DPP6: variants seen among roughly 807,000 people sequenced by gnomAD.
The protein encoded by DPP6 is dipeptidyl peptidase like 6, also known as A-type potassium channel modulatory protein DPP6.
A neutral mutation model predicts 122.6 loss-of-function variants in DPP6; 69 were observed. That is an observed-to-expected ratio of 0.56 (90% CI 0.46 to 0.69). The LOEUF is 0.69. Among genes scored for constraint, DPP6 ranks in the 30% least tolerant of loss-of-function variants. The pLI, the probability that DPP6 is intolerant of heterozygous loss-of-function variation, is 0.00. For synonymous variants in DPP6, 418 were observed against 433.1 expected (o/e 0.97, Z 0.43); for missense variants, 928 against 1,116.9 (o/e 0.83, Z 2.41).
At chr7:154,737,219 A>T (rs1175445187) in intron 8 of DPP6, among the ~76,000 whole-genome samples, 1 of 152,214 alleles carries the variant, frequency 6.6e-6, no homozygotes, top group Non-Finnish European at 1.5e-5. Context: ...GAGCGCTATG[A>T]AGAAAGCTCT....
intron 1 of DPP6, among the ~76,000 whole-genome samples, chr7:154,013,210 A>G (rs1798229931): frequency 6.6e-6 from 1 of 152,104 alleles, no homozygotes; most frequent in Non-Finnish European, 1.5e-5. Flanking sequence ...TCCTAAAAAC[A>G]CTTGCTTTAT....
At chr7:153,768,034 G>A in the DPP6 span, among the ~76,000 whole-genome samples, 1 of 151,752 alleles carries the variant, frequency 6.6e-6, no homozygotes, top group East Asian at 1.9e-4. Context: ...AATGGAACTA[G>A]GGTTGCAGAC....
At chr7:154,391,026 C>T (rs1456251395) in intron 1 of DPP6, among the ~76,000 whole-genome samples, 1 of 152,166 alleles carries the variant, frequency 6.6e-6, no homozygotes, top group Non-Finnish European at 1.5e-5. Context: ...GGCGGATCAG[C>T]CCACCTACTG....
chr7:154,566,265 TTTTTC>T (rs1233396356), intron 4 of DPP6, among the ~76,000 whole-genome samples: 4 of 152,160 alleles, frequency 2.6e-5, no homozygotes, highest in African/African-American at 4.8e-5. Context: ...CGCTTATTTC[TTTTTC>T]TTTTCTTGCT....
intron 5 of DPP6, among the ~76,000 whole-genome samples, chr7:154,614,598 G>A (rs980061723): frequency 5.3e-5 from 8 of 152,114 alleles, no homozygotes; most frequent in African/African-American, 1.9e-4. Context: ...ACTATTTGGT[G>A]GTTTCATGAT....
the DPP6 span, among the ~76,000 whole-genome samples, chr7:153,868,156 C>T: frequency 3.9e-5 from 6 of 151,986 alleles, no homozygotes; most frequent in Admixed American, 3.9e-4. Context: ...CAGGATGATG[C>T]TGGCCTCATA....
rs146068311 is a variant in DPP6, at chr7:154,386,992, A to G, written c.244-59222A>G. On this transcript the variant is annotated intron_variant, in intron 1 of 25. Coordinates refer to ENST00000377770, the MANE Select transcript of DPP6 (RefSeq NM_130797.4). Reference sequence around the variant, plus strand: ...GGGTGCAGAAACCACAGCTGTGAGAAGGGGCTTTTCCAGAGTGAGGTTACA... The same window carrying G: ...GGGTGCAGAAACCACAGCTGTGAGAGGGGGCTTTTCCAGAGTGAGGTTACA... 3.2e-3 allele frequency among the ~76,000 whole-genome samples: 489 copies of G among 152,272 alleles called. 10 individuals are homozygous for G. The highest frequency in any genetic ancestry group is 0.025 in the Admixed American group (380 of 15,282).
intron 6 of DPP6, among the ~76,000 whole-genome samples, chr7:154,667,745 G>A (rs1483887900): frequency 1.3e-5 from 2 of 151,946 alleles, no homozygotes; most frequent in African/African-American, 2.4e-5. Context: ...ACAAAACCAC[G>A]CAATGTTAAA....
At chr7:154,101,544 C>T (rs1563200549) in intron 1 of DPP6, among the ~76,000 whole-genome samples, 1 of 151,772 alleles carries the variant, frequency 6.6e-6, no homozygotes, top group Non-Finnish European at 1.5e-5. Flanking sequence ...AAGGGGTGAT[C>T]AGCAATGTTT....
chr7:153,864,119 C>G, the DPP6 span, among the ~76,000 whole-genome samples: 1 of 152,176 alleles, frequency 6.6e-6, no homozygotes, highest in African/African-American at 2.4e-5. Context: ...ATTGCTGAGT[C>G]AAATGGTAAC....
At chr7:154,504,193 CAG>C (rs145052899) in intron 3 of DPP6, among the ~76,000 whole-genome samples, 40,011 of 151,856 alleles carry the variant, frequency 0.26, 5,431 homozygotes, top group Non-Finnish European at 0.29. Context: ...ATTGCAATAA[CAG>C]GTGCTATTTT....
intron 23 of DPP6, 25 bp from the exon 24 acceptor site, chr7:154,889,247 T>G (rs778735690): frequency 6.2e-7 from 1 of 1,610,066 alleles, no homozygotes; most frequent in Admixed American, 1.7e-5. Context: ...CCCCTAACTC[T>G]GTCCCCTTGC....
At position 154,863,409 on chromosome 7, in the gene DPP6, C is replaced by A. The variant is rs950233941; in HGVS notation, c.1715-4586C>A. On this transcript the variant is annotated intron_variant, in intron 17 of 25. Transcript: ENST00000377770. This position sits in a 1 kb window ranked among gnomAD's most constrained non-coding sequence, Gnocchi z 4.1. ...CTAGGCTCAAGGGGAGTGGTGCAAT[C>A]ACAGCTCAAGCTATCCTCCCACTGC... is the stretch of plus-strand genomic sequence containing the variant. Among the ~76,000 whole-genome samples the A allele has an allele frequency of 1.3e-5, 2 of 149,778 alleles. No homozygotes were observed. Among genetic ancestry groups the A allele is most frequent in the Admixed American group, 6.7e-5 (1 of 15,008 alleles).
chr7:154,640,482 G>A (rs752936753), intron 6 of DPP6, among the ~76,000 whole-genome samples: 1 of 152,188 alleles, frequency 6.6e-6, no homozygotes, highest in East Asian at 1.9e-4. Context: ...CTGAAGCGGC[G>A]TTGCTCAACC....
intron 1 of DPP6, among the ~76,000 whole-genome samples, chr7:154,132,709 TCC>T (rs1795351081): frequency 1.3e-5 from 2 of 152,026 alleles, no homozygotes; most frequent in African/African-American, 2.4e-5. Context: ...ACATCCCTAT[TCC>T]TTATTCATCA....
intron 1 of DPP6, among the ~76,000 whole-genome samples, chr7:154,324,562 A>G (rs528941161): frequency 2.6e-5 from 4 of 151,814 alleles, no homozygotes; most frequent in African/African-American, 9.7e-5. Context: ...CCTCTGCCCT[A>G]CTTGATTGCA....
chr7:154,405,048 C>T (rs147637900), intron 1 of DPP6, among the ~76,000 whole-genome samples: 49 of 152,292 alleles, frequency 3.2e-4, no homozygotes, highest in African/African-American at 9.6e-4. Flanking sequence ...TACACATATA[C>T]GTATGCAAAT....
At chr7:153,959,426 G>A (rs1261806493) in intron 1 of DPP6, among the ~76,000 whole-genome samples, 10 of 152,228 alleles carry the variant, frequency 6.6e-5, no homozygotes, top group Admixed American at 6.5e-4. Context: ...AGAAGGATAT[G>A]ACTTCTTGAG....
chr7:154,018,204 G>C (rs1213864714), intron 1 of DPP6, among the ~76,000 whole-genome samples: 1 of 151,742 alleles, frequency 6.6e-6, no homozygotes, highest in East Asian at 1.9e-4. Context: ...TCCCCTTAGA[G>C]GTTGCTTTCT....
Sources: gnomAD v4.1 joint callset for allele counts (sites outside exome capture counted in the v4.1 genomes callset) on GRCh38, gnomAD v4.1.1 for gene constraint, Gnocchi (gnomAD v3.1) non-coding constraint, MANE v1.5 for transcripts, NCBI Gene and HGNC (gene_info 2026-07-23, HGNC 2026-07-21) for gene names.